MAP1B: variants seen among roughly 807,000 people sequenced by gnomAD.
MAP1B encodes the protein microtubule associated protein 1B, also known as microtubule-associated protein 1B.
A neutral mutation model predicts 176.1 loss-of-function variants in MAP1B; 12 were observed. That is an observed-to-expected ratio of 0.07 (90% CI 0.04 to 0.11). MAP1B has a LOEUF of 0.11. Among genes scored for constraint, MAP1B ranks in the 10% least tolerant of loss-of-function variants. The probability of loss-of-function intolerance (pLI) is 1.00; values close to 1 mark genes in which losing one functional copy is unlikely to be tolerated. For synonymous variants in MAP1B, 1,044 were observed against 1,135.0 expected, an observed-to-expected ratio of 0.92 and a Z score of 1.61; for missense variants, 2,523 against 2,990.5, an observed-to-expected ratio of 0.84 and a Z score of 3.65.
Position 72,196,378 on chromosome 5 carries a change from T to A in MAP1B, c.3023T>A (p.Ile1008Asn). The change falls in exon 5 of 7, where the codon ATT becomes AAT. Residue 1008 changes from isoleucine to asparagine, a missense_variant. This residue lies in a region of MAP1B where 1,925 missense variants were observed against 2,126.0 expected (regional missense o/e 0.91). Transcript: ENST00000296755. The surrounding 1 kb of genome is among the most constrained non-coding windows in gnomAD (Gnocchi z 5.3). ...DRAEEDMDEA[I>N]EKGEAEQSEE... The stretch of plus-strand genomic sequence containing the variant: ...GCCGAAGAAGACATGGATGAGGCCA[T>A]TGAGAAAGGAGAGGCTGAACAATCT... The A allele has an allele frequency of 1.2e-6, 2 of 1,613,608 alleles. No individual in the cohort carries two copies. The highest frequency in any genetic ancestry group is 1.7e-6 in the Non-Finnish European group (2 of 1,179,910).
chr5:72,167,711 A>G lies in MAP1B; in HGVS notation c.287-16032A>G, dbSNP rs144048634. The stretch of plus-strand genomic sequence containing the variant: ...AGAGAATGGACCAGAAATGAGAAAT[A>G]TATTTTACTTTGTCATTGGAGTCAA... On this transcript the variant is annotated intron_variant, in intron 2 of 6. Coordinates refer to ENST00000296755, the MANE Select transcript of MAP1B (RefSeq NM_005909.5). Among the ~76,000 whole-genome samples, 29 of 152,338 alleles carry G rather than the reference A, an allele frequency of 1.9e-4. No individual in the cohort carries two copies. In the East Asian group the frequency reaches 3.9e-3, roughly 20 times the overall value.
chr5:72,152,117 T>C (rs1169605355), intron 2 of MAP1B, among the ~76,000 whole-genome samples: 1 of 152,228 alleles, frequency 6.6e-6, no homozygotes, highest in East Asian at 1.9e-4. Flanking sequence ...CAATGCGGTA[T>C]CCCACATTGT....
chr5:72,163,916 C>CTTTTTTTTTTTTTTTTTTTTTTTTTTT (rs796802217), intron 2 of MAP1B, among the ~76,000 whole-genome samples: 1 of 97,102 alleles, frequency 1.0e-5, no homozygotes, highest in East Asian at 3.0e-4. Context: ...CTCTCTCTCT[C>CTTTTTTTTTTTTTTTTTTTTTTTTTTT]TTTTTTTTTT....
At position 72,194,466 on chromosome 5, in the gene MAP1B, A is replaced by G; in HGVS notation, c.1111A>G (p.Asn371Asp). The change falls in exon 5 of 7, where the codon AAC becomes GAC. Residue 371 changes from asparagine (N) to aspartate (D), a missense_variant. Coordinates refer to ENST00000296755, the MANE Select transcript of MAP1B (RefSeq NM_005909.5). This position sits in a 1 kb window ranked among gnomAD's most constrained non-coding sequence, Gnocchi z 7.2. ...TGAAAATCTCAAAAATCCAGAGCCA[A>G]ACATCAAGATGAAGAGAAGCATAGA... ...VPENLKNPEP[N>D]IKMKRSIEEA... 1.2e-6 allele frequency: 2 copies of G among 1,614,086 alleles called. 1 individual carries two copies. Among genetic ancestry groups the G allele is most frequent in the South Asian group, 2.2e-5 (2 of 91,078 alleles).
chr5:72,186,214 G>A lies in MAP1B; in HGVS notation c.370-400G>A, dbSNP rs1383220026. Among the ~76,000 whole-genome samples, 1 of 152,158 alleles carries A rather than the reference G, an allele frequency of 6.6e-6. No individual in the cohort carries two copies. Among genetic ancestry groups the A allele is most frequent in the Non-Finnish European group, 1.5e-5 (1 of 68,034 alleles). On this transcript the variant is annotated intron_variant, in intron 3 of 6. Coordinates refer to ENST00000296755, the MANE Select transcript of MAP1B (RefSeq NM_005909.5). The surrounding 1 kb of genome is among the most constrained non-coding windows in gnomAD (Gnocchi z 4.3). The stretch of plus-strand genomic sequence containing the variant: ...ACATGGTGATTCAGCCTGTGAGATA[G>A]TTCCGTCTTCCCTGGTTTCGCAGAC...
chr5:72,129,104 C>A (rs897279216), intron 2 of MAP1B, among the ~76,000 whole-genome samples: 9 of 152,168 alleles, frequency 5.9e-5, no homozygotes, highest in Non-Finnish European at 1.2e-4. Context: ...TAAGATTTAT[C>A]TGGAATATCT....
At chr5:72,118,851 T>G in intron 2 of MAP1B, among the ~76,000 whole-genome samples, 1 of 152,246 alleles carries the variant, frequency 6.6e-6, no homozygotes. Flanking sequence ...ATCTGTCTTA[T>G]GTTCCTGTTG....
At chr5:72,153,036 T>G (rs1237112418) in intron 2 of MAP1B, among the ~76,000 whole-genome samples, 1 of 152,148 alleles carries the variant, frequency 6.6e-6, no homozygotes, top group Non-Finnish European at 1.5e-5. Context: ...GAAAACAAAA[T>G]TTAGTCAGGA....
Position 72,194,875 on chromosome 5 carries a change from A to T in MAP1B, c.1520A>T (p.His507Leu). Residue 507 changes from histidine (H) to leucine (L), a missense_variant, in exon 5 of 7, where the codon CAT (histidine) becomes CTT (leucine). Around this residue, in one of 4 missense-constraint regions of MAP1B, gnomAD observed 1,925 missense variants for 2,126.0 expected, o/e 0.91. Coordinates refer to ENST00000296755, the MANE Select transcript of MAP1B (RefSeq NM_005909.5). This position sits in a 1 kb window ranked among gnomAD's most constrained non-coding sequence, Gnocchi z 7.2. ...CTGGAAGGGTTGGAAAAGCTCAAAC[A>T]TCTAGACTTTCTGAAGCAGCCACTG... is the stretch of plus-strand genomic sequence containing the variant. ...NILEGLEKLKHLDFLKQPLAT... is the reference protein window; with the variant it reads ...NILEGLEKLKLLDFLKQPLAT... 6.2e-7 allele frequency: 1 copy of T among 1,614,168 alleles called. No individual in the cohort carries two copies. Among genetic ancestry groups the T allele is most frequent in the Non-Finnish European group, 8.5e-7 (1 of 1,180,002 alleles).
rs376338864 is a variant in MAP1B, at chr5:72,183,857, G to A, written c.369+32G>A. 21 of 1,578,266 alleles carry A rather than the reference G, an allele frequency of 1.3e-5. No homozygotes were observed. The East Asian group carries it at 1.3e-4, about 10-fold the overall frequency. The stretch of plus-strand genomic sequence containing the variant: ...ATTCAGCTCTGTAGAATCTGGGGCC[G>A]GGCCCCACACACTGGATAGGGACCC... On this transcript the variant is annotated intron_variant, in intron 3 of 6. Transcript: ENST00000296755.
Position 72,205,141 on chromosome 5 carries a change from C to G in MAP1B, c.7309C>G (p.His2437Asp). The G allele has an allele frequency of 6.2e-7, 1 of 1,613,910 alleles. No homozygotes were observed. The highest frequency in any genetic ancestry group is 8.5e-7 in the Non-Finnish European group (1 of 1,179,888). Residue 2437 changes from histidine to aspartate, a missense_variant, in exon 7 of 7, where the codon CAT (histidine) becomes GAT (aspartate). Transcript: ENST00000296755. ...GATGAGGGAATGGTACCAGGAGACC[C>G]ATGAGAAACAGCAAGATCTCAACAT... ...EVMREWYQET[H>D]EKQQDLNIMV...
intron 1 of MAP1B, among the ~76,000 whole-genome samples, chr5:72,113,483 T>C (rs1387667446): frequency 2.0e-5 from 3 of 152,220 alleles, no homozygotes; most frequent in Non-Finnish European, 4.4e-5. Flanking sequence ...AAAATATGTA[T>C]GAAAATATAA....
rs985770454 is a variant in MAP1B at position 72,199,859 on chromosome 5, G to T, written c.6504G>T (p.Glu2168Asp). Residue 2168 changes from glutamate to aspartate, a missense_variant, in exon 5 of 7, where the codon GAG (glutamate) becomes GAT (aspartate). By Grantham distance (45) the Glu-to-Asp change is conservative. Transcript: ENST00000296755. This position sits in a 1 kb window ranked among gnomAD's most constrained non-coding sequence, Gnocchi z 4.2. ...CTGATGTTCCCCCGGAGACTGAAGAGTGCCCCTCCATCACGGCCGATGCCA... is the reference window on the plus strand; with the variant it reads ...CTGATGTTCCCCCGGAGACTGAAGATTGCCCCTCCATCACGGCCGATGCCA... Reference protein sequence around the residue: ...TDSDVPPETEECPSITADANI... With the variant: ...TDSDVPPETEDCPSITADANI... The T allele has an allele frequency of 6.2e-7, 1 of 1,614,164 alleles. No homozygotes were observed. The highest frequency in any genetic ancestry group is 1.7e-5 in the Admixed American group (1 of 60,018).
intron 2 of MAP1B, among the ~76,000 whole-genome samples, chr5:72,141,158 A>C (rs992628365): frequency 6.6e-6 from 1 of 152,090 alleles, no homozygotes; most frequent in Non-Finnish European, 1.5e-5. Context: ...CCTGGGGTAC[A>C]TGTCCACGCT....
At chr5:72,189,277 C>T (rs1331712134) in intron 4 of MAP1B, among the ~76,000 whole-genome samples, 1 of 152,082 alleles carries the variant, frequency 6.6e-6, no homozygotes, top group Non-Finnish European at 1.5e-5. Flanking sequence ...CTGGCTAACC[C>T]CACTCCTCCC....
chr5:72,168,007 G>A (rs897080319), intron 2 of MAP1B, among the ~76,000 whole-genome samples: 2 of 152,244 alleles, frequency 1.3e-5, no homozygotes, highest in Non-Finnish European at 2.9e-5. Context: ...GATAGCTGAC[G>A]CACGGAAAGC....
At chr5:72,183,368 A>G (rs1219170212) in intron 2 of MAP1B, among the ~76,000 whole-genome samples, 1 of 152,214 alleles carries the variant, frequency 6.6e-6, no homozygotes, top group Non-Finnish European at 1.5e-5. Flanking sequence ...AAAGGCTGAT[A>G]CGGAGAAACA....
intron 4 of MAP1B, among the ~76,000 whole-genome samples, chr5:72,190,478 C>T (rs1440432416): frequency 6.6e-6 from 1 of 152,152 alleles, no homozygotes; most frequent in East Asian, 1.9e-4. Flanking sequence ...TTTATTGAAC[C>T]TTACATTTAT....
chr5:72,152,771 A>G (rs1474098805), intron 2 of MAP1B, among the ~76,000 whole-genome samples: 1 of 152,168 alleles, frequency 6.6e-6, no homozygotes, highest in African/African-American at 2.4e-5. Context: ...AAATCAACCA[A>G]GTTTCTTGAA....
Sources: gnomAD v4.1 joint callset for allele counts (sites outside exome capture counted in the v4.1 genomes callset) on GRCh38, gnomAD v4.1.1 for gene constraint, gnomAD v4.1.1 regional missense constraint, Gnocchi (gnomAD v3.1) non-coding constraint, MANE v1.5 for transcripts, NCBI Gene and HGNC (gene_info 2026-07-23, HGNC 2026-07-21) for gene names.